The following CYTIP variants were observed in gnomAD, a reference collection of about 807,000 sequenced individuals.
CYTIP encodes cytohesin-interacting protein.
Under a neutral mutation model 43.8 loss-of-function variants are expected in CYTIP, and 26 were observed. The ratio of observed to expected loss-of-function variants is 0.59; its 90% confidence interval spans 0.44 to 0.82. CYTIP has a LOEUF of 0.82. CYTIP is among the 40% of genes least tolerant of loss of function. The pLI is 0.00. For missense variants in CYTIP, 426 were observed against 443.1 expected (o/e 0.96, Z 0.35); for synonymous variants, 162 against 162.9 (o/e 0.99, Z 0.04).
chr2:157,438,916 A>C (rs1423533973), intron 1 of CYTIP: 4 of 418,116 alleles, frequency 9.6e-6, no homozygotes, highest in Admixed American at 5.3e-5. Context: ...TGCATCTATT[A>C]GGAACTTCAA....
At chr2:157,433,582 C>T (rs1277036691) in intron 3 of CYTIP, among the ~76,000 whole-genome samples, 1 of 151,740 alleles carries the variant, frequency 6.6e-6, no homozygotes, top group East Asian at 1.9e-4. Context: ...AAAAGACATG[C>T]AAACGTACTA....
At chr2:157,423,764 C>T (rs939515481) in intron 6 of CYTIP, among the ~76,000 whole-genome samples, 25 of 152,058 alleles carry the variant, frequency 1.6e-4, no homozygotes, top group African/African-American at 4.8e-4. Context: ...CCTGTAATTA[C>T]ATTTACAAAT....
At chr2:157,433,105 G>A (rs947960898) in intron 3 of CYTIP, among the ~76,000 whole-genome samples, 2 of 152,174 alleles carry the variant, frequency 1.3e-5, no homozygotes, top group Non-Finnish European at 2.9e-5. Flanking sequence ...AAAGAAAGGT[G>A]AGTAGTCGTT....
At position 157,430,341 on chromosome 2, in the gene CYTIP, A is replaced by G. The variant is rs532196688; in HGVS notation, c.476+218T>C. 2.6e-5 allele frequency among the ~76,000 whole-genome samples: 4 copies of G among 152,336 alleles called. No individual in the cohort carries two copies. The South Asian group carries it at 8.3e-4, about 32-fold the overall frequency. The stretch of plus-strand genomic sequence containing the variant: ...TCCTTCCCACACAGACGTTTGGGCT[A>G]TTGATGTCCTCTGACTTCAGATGTT... On this transcript the variant is annotated intron_variant, in intron 5 of 7. Coordinates refer to ENST00000264192, the MANE Select transcript of CYTIP (RefSeq NM_004288.5).
chr2:157,439,769 T>C (rs1447862439), intron 1 of CYTIP, among the ~76,000 whole-genome samples: 1 of 152,234 alleles, frequency 6.6e-6, no homozygotes, highest in Non-Finnish European at 1.5e-5. Flanking sequence ...TTGCTAGCCA[T>C]AATACACTGA....
At position 157,434,398 on chromosome 2, in the gene CYTIP, T is replaced by A. The variant is rs1290506636; in HGVS notation, c.251A>T (p.Asp84Val). 1 of 1,613,140 alleles carries A rather than the reference T, an allele frequency of 6.2e-7. No individual in the cohort carries two copies. Among genetic ancestry groups the A allele is most frequent in the Non-Finnish European group, 8.5e-7 (1 of 1,179,460 alleles). Reference sequence around the variant, plus strand: ...AATTTCAAATCCAAATGTTTCATTATCCTGCTTCTCCACAGTAACAAGCTT... The same window carrying A: ...AATTTCAAATCCAAATGTTTCATTAACCTGCTTCTCCACAGTAACAAGCTT... ...QRKLVTVEKQ[D>V]NETFGFEIQS... The change falls in exon 3 of 8, where the codon GAT becomes GTT. Residue 84 changes from aspartate to valine, a missense_variant. By Grantham distance (152) the Asp-to-Val change is radical. Coordinates refer to ENST00000264192, the MANE Select transcript of CYTIP (RefSeq NM_004288.5).
At chr2:157,418,374 A>T in intron 7 of CYTIP, 149 bp downstream of exon 7, 1 of 674,448 alleles carries the variant, frequency 1.5e-6, no homozygotes, top group Non-Finnish European at 2.4e-6. Context: ...AGCCATTCCA[A>T]AGCTCATGCC....
intron 1 of CYTIP, among the ~76,000 whole-genome samples, chr2:157,442,437 C>T (rs996258675): frequency 1.4e-5 from 2 of 147,842 alleles, no homozygotes; most frequent in South Asian, 2.1e-4. Flanking sequence ...GTGGAAAGTT[C>T]CCACCCTGAT....
intron 6 of CYTIP, among the ~76,000 whole-genome samples, chr2:157,425,746 A>G (rs886107814): frequency 1.3e-5 from 2 of 152,176 alleles, no homozygotes; most frequent in Non-Finnish European, 2.9e-5. Context: ...ACTTTTTTAA[A>G]AAGATGTTCA....
At chr2:157,418,171 C>T (rs1009507824) in intron 7 of CYTIP, among the ~76,000 whole-genome samples, 4 of 152,198 alleles carry the variant, frequency 2.6e-5, no homozygotes, top group Non-Finnish European at 4.4e-5. Context: ...AAAAACTATA[C>T]AGCCCCTTAG....
At chr2:157,442,394 T>C (rs1228623822) in intron 1 of CYTIP, among the ~76,000 whole-genome samples, 1 of 150,510 alleles carries the variant, frequency 6.6e-6, no homozygotes, top group Admixed American at 6.6e-5. Context: ...GTAGATCAAA[T>C]GAGTAAGGTT....
intron 6 of CYTIP, among the ~76,000 whole-genome samples, chr2:157,420,152 A>C (rs987561449): frequency 1.3e-5 from 2 of 152,242 alleles, no homozygotes; most frequent in Non-Finnish European, 2.9e-5. Context: ...CCTGGGCAAC[A>C]TAGTGAGACC....
chr2:157,434,407 T>C lies in CYTIP; in HGVS notation c.242A>G (p.Glu81Gly). The C allele has an allele frequency of 6.2e-7, 1 of 1,612,604 alleles. No homozygotes were observed. The highest frequency in any genetic ancestry group is 8.5e-7 in the Non-Finnish European group (1 of 1,179,178). The part of the protein sequence containing the change: ...SWSQRKLVTV[E>G]KQDNETFGFE... Reference sequence around the variant, plus strand: ...TCCAAATGTTTCATTATCCTGCTTCTCCACAGTAACAAGCTTTCTGTAATA... The same window carrying C: ...TCCAAATGTTTCATTATCCTGCTTCCCCACAGTAACAAGCTTTCTGTAATA... The change falls in exon 3 of 8, where the codon GAG becomes GGG. Residue 81 changes from glutamate to glycine, a missense_variant. Coordinates refer to ENST00000264192, the MANE Select transcript of CYTIP (RefSeq NM_004288.5).
intron 1 of CYTIP, among the ~76,000 whole-genome samples, chr2:157,442,073 C>G (rs1685927876): frequency 6.6e-6 from 1 of 152,182 alleles, no homozygotes; most frequent in South Asian, 2.1e-4. Flanking sequence ...AAAAAGTCCT[C>G]CAGGCACCAG....
At chr2:157,443,364 T>C (rs904467579) in intron 1 of CYTIP, among the ~76,000 whole-genome samples, 2 of 151,528 alleles carry the variant, frequency 1.3e-5, no homozygotes, top group Admixed American at 6.5e-5. Flanking sequence ...TACTTTCCAA[T>C]AGCCTGAGGT....
At chr2:157,443,450 A>C (rs761283900) in intron 1 of CYTIP, among the ~76,000 whole-genome samples, 1 of 152,214 alleles carries the variant, frequency 6.6e-6, no homozygotes, top group Non-Finnish European at 1.5e-5. Flanking sequence ...TTATTTGATT[A>C]TGAACTGAAA....
intron 1 of CYTIP, among the ~76,000 whole-genome samples, chr2:157,436,026 T>C (rs952996826): frequency 1.6e-4 from 24 of 152,310 alleles, no homozygotes; most frequent in African/African-American, 5.3e-4. Context: ...CACCAGTCCA[T>C]AAACTTAACG....
At chr2:157,434,337 C>G (rs1685759112) in intron 3 of CYTIP, 33 bp downstream of exon 3, 1 of 1,574,768 alleles carries the variant, frequency 6.4e-7, no homozygotes, top group Non-Finnish European at 8.7e-7. Context: ...CACTTTCTTC[C>G]TTGGAAGTCT....
intron 6 of CYTIP, among the ~76,000 whole-genome samples, chr2:157,424,970 G>C (rs1685581022): frequency 6.6e-6 from 1 of 151,922 alleles, no homozygotes; most frequent in Non-Finnish European, 1.5e-5. Context: ...AAATGGTACT[G>C]GAAGAACTGG....
Sources: gnomAD v4.1 joint callset for allele counts (sites outside exome capture counted in the v4.1 genomes callset) on GRCh38, gnomAD v4.1.1 for gene constraint, MANE v1.5 for transcripts, NCBI Gene and HGNC (gene_info 2026-07-23, HGNC 2026-07-21) for gene names.